CWC27: variants seen among roughly 807,000 people sequenced by gnomAD.
The protein encoded by CWC27 is spliceosome-associated protein CWC27 homolog.
In CWC27, 47 loss-of-function variants were observed where a neutral mutation model predicts 63.6. The ratio of observed to expected loss-of-function variants is 0.74; its 90% confidence interval spans 0.58 to 0.94. CWC27 has a LOEUF of 0.94. Ranked by LOEUF, CWC27 falls within the 40% of genes least tolerant of loss-of-function variation. CWC27 has a pLI of 0.00. For missense variants in CWC27, 495 were observed against 554.3 expected (o/e 0.89, Z 1.07); for synonymous variants, 175 against 179.8 (o/e 0.97, Z 0.22).
intron 10 of CWC27, among the ~76,000 whole-genome samples, chr5:64,848,624 A>G (rs1013969493): frequency 1.3e-5 from 2 of 152,208 alleles, no homozygotes; most frequent in African/African-American, 4.8e-5. Flanking sequence ...TTATACATTA[A>G]AAGGATTCTC....
At chr5:64,983,264 TG>T (rs1749360719) in intron 13 of CWC27, among the ~76,000 whole-genome samples, 1 of 152,238 alleles carries the variant, frequency 6.6e-6, no homozygotes, top group Non-Finnish European at 1.5e-5. Flanking sequence ...TTTAGTGATA[TG>T]AGTGGCATTG....
chr5:64,990,986 G>A (rs572539657), intron 13 of CWC27, among the ~76,000 whole-genome samples: 253 of 152,224 alleles, frequency 1.7e-3, no homozygotes, highest in African/African-American at 5.8e-3. Flanking sequence ...GTGAGGTGTG[G>A]GATGTGGAGT....
intron 9 of CWC27, among the ~76,000 whole-genome samples, chr5:64,803,612 G>A (rs1367008521): frequency 6.6e-6 from 1 of 152,156 alleles, no homozygotes; most frequent in East Asian, 1.9e-4. Flanking sequence ...AGATGAAAGA[G>A]CAAGCAATGA....
chr5:64,807,887 C>T (rs1870437), intron 10 of CWC27: 529,695 of 1,462,240 alleles, frequency 0.36, 101,333 homozygotes, highest in Middle Eastern at 0.43. Context: ...ATTTTATTTC[C>T]TGTCCCTACC....
chr5:64,873,471 A>G (rs1338845760), intron 10 of CWC27, among the ~76,000 whole-genome samples: 1 of 152,030 alleles, frequency 6.6e-6, no homozygotes, highest in Non-Finnish European at 1.5e-5. Flanking sequence ...AAATTAAGGT[A>G]GTGTATATCT....
chr5:64,874,464 G>A (rs762254661), intron 10 of CWC27, among the ~76,000 whole-genome samples: 3 of 151,062 alleles, frequency 2.0e-5, no homozygotes, highest in Non-Finnish European at 4.4e-5. Context: ...GTGCCCAGCC[G>A]ATGCTTTTTT....
chr5:64,934,326 C>G (rs1196635307), intron 11 of CWC27, among the ~76,000 whole-genome samples: 1 of 152,194 alleles, frequency 6.6e-6, no homozygotes, highest in Non-Finnish European at 1.5e-5. Flanking sequence ...TTGTTCAACT[C>G]CCACTTATGA....
chr5:64,923,532 G>A (rs762370714), intron 11 of CWC27, among the ~76,000 whole-genome samples: 27 of 149,250 alleles, frequency 1.8e-4, no homozygotes, highest in South Asian at 6.7e-4. Context: ...CGGTGCATCT[G>A]TCAGAGGGTC....
intron 2 of CWC27, among the ~76,000 whole-genome samples, chr5:64,780,403 T>C (rs959648362): frequency 6.6e-6 from 1 of 151,340 alleles, no homozygotes; most frequent in African/African-American, 2.4e-5. Flanking sequence ...CTCTTTTGGA[T>C]GTATATACAA....
intron 10 of CWC27, among the ~76,000 whole-genome samples, chr5:64,858,954 A>C (rs916068641): frequency 6.6e-6 from 1 of 152,254 alleles, no homozygotes; most frequent in African/African-American, 2.4e-5. Context: ...CATGTGCATC[A>C]TAGCAGTTCA....
chr5:64,927,566 A>T (rs537194289), intron 11 of CWC27, among the ~76,000 whole-genome samples: 1 of 152,234 alleles, frequency 6.6e-6, no homozygotes, highest in East Asian at 1.9e-4. Flanking sequence ...AGTTCTTCTT[A>T]AGGCTAATCA....
intron 10 of CWC27, among the ~76,000 whole-genome samples, chr5:64,834,166 GAAA>G (rs76979744): frequency 6.7e-6 from 1 of 148,844 alleles, no homozygotes; most frequent in Non-Finnish European, 1.5e-5. Context: ...ACCAAATTAA[GAAA>G]AAAAACTTTC....
rs569155974 is a variant in CWC27, at chr5:64,919,735, CT to C, written c.1042+34192del. Among the ~76,000 whole-genome samples the C allele has an allele frequency of 1.6e-4, 25 of 152,304 alleles. No individual in the cohort carries two copies. The South Asian group carries it at 3.5e-3, about 21-fold the overall frequency. ...TATTCTTTGGTGTCTATGTACCACA[CT>C]TTCTAAATACAGTCCACCATTAATG... On this transcript the variant is annotated intron_variant, in intron 11 of 13. Coordinates refer to ENST00000381070, the MANE Select transcript of CWC27 (RefSeq NM_005869.4).
In CWC27 at chr5:64,819,782, A is replaced by G. The variant is rs191445667; in HGVS notation, c.938+15396A>G. Among the ~76,000 whole-genome samples the G allele has an allele frequency of 2.0e-5, 3 of 152,314 alleles. No homozygotes were observed. The East Asian group carries it at 5.8e-4, about 29-fold the overall frequency. On this transcript the variant is annotated intron_variant, in intron 10 of 13. Transcript: ENST00000381070. Reference sequence around the variant, plus strand: ...AAAACACCTATTATAGTACTTAAGCATGGCCTGCAACACAAACTGACAACT... The same window carrying G: ...AAAACACCTATTATAGTACTTAAGCGTGGCCTGCAACACAAACTGACAACT...
At chr5:64,887,506 G>A (rs1044432461) in intron 11 of CWC27, among the ~76,000 whole-genome samples, 1 of 152,016 alleles carries the variant, frequency 6.6e-6, no homozygotes, top group Non-Finnish European at 1.5e-5. Flanking sequence ...AGCTGAAACT[G>A]CAAGCATGCA....
intron 11 of CWC27, among the ~76,000 whole-genome samples, chr5:64,902,298 C>T (rs935463474): frequency 6.6e-6 from 1 of 152,134 alleles, no homozygotes; most frequent in Non-Finnish European, 1.5e-5. Context: ...ACAGTGTCAC[C>T]AGGTGATAGG....
At chr5:64,934,672 C>A (rs1375521834) in intron 11 of CWC27, among the ~76,000 whole-genome samples, 3 of 152,196 alleles carry the variant, frequency 2.0e-5, no homozygotes, top group African/African-American at 7.2e-5. Flanking sequence ...CTTCAGGAAT[C>A]ACCACACTGT....
chr5:64,988,968 G>C (rs536498469), intron 13 of CWC27, among the ~76,000 whole-genome samples: 3 of 152,246 alleles, frequency 2.0e-5, no homozygotes, highest in African/African-American at 7.2e-5. Flanking sequence ...ATTGACACAT[G>C]CACTGACTTT....
chr5:64,935,592 CT>C (rs1748329429), intron 11 of CWC27, among the ~76,000 whole-genome samples: 1 of 152,130 alleles, frequency 6.6e-6, no homozygotes, highest in Non-Finnish European at 1.5e-5. Flanking sequence ...ACAGCCTCTT[CT>C]TTGGTCCCAT....
Sources: allele counts gnomAD v4.1 joint callset (sites outside exome capture counted in the v4.1 genomes callset), GRCh38; gene constraint gnomAD v4.1.1; transcripts MANE v1.5; gene names NCBI Gene and HGNC (gene_info 2026-07-23, HGNC 2026-07-21).